Variants in MAP3K9 observed in about 807,000 individuals in gnomAD.
The protein encoded by MAP3K9 is mixed lineage kinase 1 (tyr and ser/thr specificity).
In MAP3K9, 46 loss-of-function variants were observed where a neutral mutation model predicts 95.8. The ratio of observed to expected loss-of-function variants is 0.48; its 90% CI spans 0.38 to 0.61. MAP3K9 has a LOEUF of 0.61. Among genes scored for constraint, MAP3K9 ranks in the 20% least tolerant of loss-of-function variants. MAP3K9 has a pLI of 0.00. For missense variants in MAP3K9, 1,296 were observed against 1,474.3 expected (o/e 0.88, Z 1.98); for synonymous variants, 533 against 593.8 (o/e 0.90, Z 1.49).
intron 5 of MAP3K9, among the ~76,000 whole-genome samples, chr14:70,748,034 G>GA (rs1465132871): frequency 0.059 from 25 of 422 alleles, no homozygotes; most frequent in Non-Finnish European, 0.14. Flanking sequence ...CGTGAACCCA[G>GA]AGGCAGAGCC....
rs753129930 is a variant in MAP3K9, at chr14:70,800,706, T to C, written c.781A>G (p.Ile261Val). ...AGGTCGCGGTGGATGATGGGAACAA[T>C]TGCCTCATCATGTAAGTAGTTCATC... ...RGMNYLHDEA[I>V]VPIIHRDLKS... Residue 261 changes from isoleucine to valine, a missense_variant, in exon 2 of 12, where the codon ATT (isoleucine) becomes GTT (valine). By Grantham distance (29) the Ile-to-Val change is conservative. This residue lies in a region of MAP3K9 where 338 missense variants were observed against 363.4 expected (regional missense o/e 0.93). Transcript: ENST00000554752. The C allele has an allele frequency of 1.2e-5, 20 of 1,614,096 alleles. No individual in the cohort carries two copies. The highest frequency in any genetic ancestry group is 2.2e-5 in the South Asian group (2 of 91,072).
At chr14:70,767,781 T>A (rs1054848107) in intron 2 of MAP3K9, among the ~76,000 whole-genome samples, 2 of 152,224 alleles carry the variant, frequency 1.3e-5, no homozygotes, top group Admixed American at 6.5e-5. Context: ...CTTGAACTAC[T>A]GGGCTCAAGC....
At position 70,785,577 on chromosome 14, in the gene MAP3K9, C is replaced by T. The variant is rs369482186; in HGVS notation, c.820+15090G>A. Reference sequence around the variant, plus strand: ...TGGGTACGTGATGAGATGAAGTGCGCGGTAGATGACATAGGCGAGGTGACA... The same window carrying T: ...TGGGTACGTGATGAGATGAAGTGCGTGGTAGATGACATAGGCGAGGTGACA... On this transcript the variant is annotated intron_variant, in intron 2 of 11. Coordinates refer to ENST00000554752, the MANE Select transcript of MAP3K9 (RefSeq NM_001284230.2). Among the ~76,000 whole-genome samples the T allele has an allele frequency of 2.2e-4, 33 of 152,144 alleles. 1 individual carries two copies. The South Asian group carries it at 5.8e-3, about 27-fold the overall frequency.
At chr14:70,767,125 T>A (rs2054466475) in intron 2 of MAP3K9, among the ~76,000 whole-genome samples, 1 of 152,090 alleles carries the variant, frequency 6.6e-6, no homozygotes, top group African/African-American at 2.4e-5. Context: ...GGCTCATGCC[T>A]ATAATCTCAG....
rs920595886 is a variant in MAP3K9 at position 70,730,047 on chromosome 14, G to C, written c.*333C>G. On this transcript the variant is annotated 3_prime_UTR_variant, in exon 12 of 12. Coordinates refer to ENST00000554752, the MANE Select transcript of MAP3K9 (RefSeq NM_001284230.2). ...GCACACCCAACTGGCTGAGGAGAGG[G>C]AGCAGCAGACAGATTTGGCTGAGTG... The C allele has an allele frequency of 1.0e-5, 3 of 286,308 alleles. No homozygotes were observed. Among genetic ancestry groups the C allele is most frequent in the African/African-American group, 6.5e-5 (3 of 46,428 alleles). The allele number at this position is 286,308 out of a possible 1,614,324, so 17.7% of individuals were successfully genotyped here. A position where few individuals can be genotyped will look rare whatever the true frequency, so the allele number is the denominator to read the frequency against.
intron 2 of MAP3K9, among the ~76,000 whole-genome samples, chr14:70,768,019 C>T (rs946056114): frequency 6.6e-6 from 1 of 152,064 alleles, no homozygotes; most frequent in Non-Finnish European, 1.5e-5. Flanking sequence ...ATATATACCA[C>T]TTAATATTAT....
rs913407745 is a variant in MAP3K9 at position 70,725,133 on chromosome 14, A to C, written c.*5247T>G. On this transcript the variant is annotated 3_prime_UTR_variant, in exon 12 of 12. Transcript: ENST00000554752. ...GCTGGGCCCCAAAGCTCTTCTCTCT[A>C]TCCAGCTCAAGGCCCAAAGCAGGCT... 1 of 152,340 alleles carries C rather than the reference A, an allele frequency of 6.6e-6. No homozygotes were observed. Among genetic ancestry groups the C allele is most frequent in the Non-Finnish European group, 1.5e-5 (1 of 68,168 alleles). The allele number at this position is 152,340 out of a possible 1,614,324, so 9.4% of individuals were successfully genotyped here.
intron 2 of MAP3K9, among the ~76,000 whole-genome samples, chr14:70,780,936 G>T (rs1200985473): frequency 6.6e-6 from 1 of 152,210 alleles, no homozygotes; most frequent in African/African-American, 2.4e-5. Context: ...TGCAGCCGCC[G>T]CACAGGCTCT....
chr14:70,787,544 C>A (rs17108537), intron 2 of MAP3K9, among the ~76,000 whole-genome samples: 36,366 of 150,646 alleles, frequency 0.24, 4,591 homozygotes, highest in East Asian at 0.33. Context: ...TTGCCAGCAT[C>A]CTGATGCCCA....
chr14:70,742,292 C>T lies in MAP3K9; in HGVS notation c.1567+59G>A. On this transcript the variant is annotated intron_variant, in intron 6 of 11. Coordinates refer to ENST00000554752, the MANE Select transcript of MAP3K9 (RefSeq NM_001284230.2). ...GCTCAGTCCCGGACTCCCTCAAACC[C>T]TCTGCCACACGAGTTCTTTGCCCTG... The T allele has an allele frequency of 1.9e-6, 3 of 1,580,424 alleles. No homozygotes were observed. In the Admixed American group the frequency reaches 5.1e-5, roughly 27 times the overall value.
chr14:70,765,106 A>G (rs1168503487), intron 2 of MAP3K9, among the ~76,000 whole-genome samples: 1 of 152,186 alleles, frequency 6.6e-6, no homozygotes, highest in Non-Finnish European at 1.5e-5. Flanking sequence ...AGGCAGGAGG[A>G]TCACTTGAAG....
At chr14:70,748,751 G>T in intron 5 of MAP3K9, 78 bp downstream of exon 5, 3 of 1,168,464 alleles carry the variant, frequency 2.6e-6, no homozygotes, top group South Asian at 1.5e-5. Context: ...AGAGGTCCCT[G>T]TGAGTGAGGT....
chr14:70,778,829 G>T lies in MAP3K9; in HGVS notation c.821-17647C>A, dbSNP rs113876675. Among the ~76,000 whole-genome samples the T allele has an allele frequency of 5.4e-4, 83 of 152,320 alleles. 1 individual carries two copies. Among genetic ancestry groups the T allele is most frequent in the African/African-American group, 1.9e-3 (79 of 41,562 alleles). On this transcript the variant is annotated intron_variant, in intron 2 of 11. Coordinates refer to ENST00000554752, the MANE Select transcript of MAP3K9 (RefSeq NM_001284230.2). ...AGCTACCCAGCCAGAAAGTGGTAAA[G>T]TGGGGACCACTGGCTACTCTCATGC...
chr14:70,732,442 C>T (rs2053917798), intron 11 of MAP3K9, 97 bp downstream of exon 11: 1 of 1,464,180 alleles, frequency 6.8e-7, no homozygotes, highest in Non-Finnish European at 9.0e-7. Context: ...GGTGTTCACT[C>T]AAATCCCGAA....
At chr14:70,741,996 C>T (rs2054076636) in intron 6 of MAP3K9, among the ~76,000 whole-genome samples, 1 of 152,176 alleles carries the variant, frequency 6.6e-6, no homozygotes, top group Admixed American at 6.5e-5. Flanking sequence ...CAAAACTTCT[C>T]GTGTCTCACA....
intron 3 of MAP3K9, among the ~76,000 whole-genome samples, chr14:70,759,882 G>A (rs565441495): frequency 4.6e-5 from 7 of 152,146 alleles, no homozygotes; most frequent in East Asian, 1.9e-4. Flanking sequence ...AGCCTCCCAC[G>A]TAGCTGGGAC....
At chr14:70,767,383 CAAAAAAAAAAAAAAA>C (rs67534847) in intron 2 of MAP3K9, among the ~76,000 whole-genome samples, 2 of 65,328 alleles carry the variant, frequency 3.1e-5, no homozygotes, top group Non-Finnish European at 5.7e-5. Flanking sequence ...CACTCAGTCT[CAAAAAAAAAAAAAAA>C]AAAAAAAAAG....
chr14:70,726,787 C>G lies in MAP3K9; in HGVS notation c.*3593G>C, dbSNP rs2053825931. 2 of 152,254 alleles carry G rather than the reference C, an allele frequency of 1.3e-5. No individual in the cohort carries two copies. Among genetic ancestry groups the G allele is most frequent in the Admixed American group, 1.3e-4 (2 of 15,294 alleles). The allele number at this position is 152,254 out of a possible 1,614,324, so 9.4% of individuals were successfully genotyped here. A position where few individuals can be genotyped will look rare whatever the true frequency, so the allele number is the denominator to read the frequency against. On this transcript the variant is annotated 3_prime_UTR_variant, in exon 12 of 12. Coordinates refer to ENST00000554752, the MANE Select transcript of MAP3K9 (RefSeq NM_001284230.2). ...AGCCACACTCTCAACTTCAGCGATT[C>G]ATCCTGTATAGATGAAAGAAGCTTC...
chr14:70,809,266 C>T lies in MAP3K9; in HGVS notation c.-95G>A. On this transcript the variant is annotated 5_prime_UTR_variant, in exon 1 of 12. Coordinates refer to ENST00000554752, the MANE Select transcript of MAP3K9 (RefSeq NM_001284230.2). Reference sequence around the variant, plus strand: ...GCCTCCGCAGAGCTGGGAGGACCCCCCCCCAACGACGGCGGCCGCAGGTAG... The same window carrying T: ...GCCTCCGCAGAGCTGGGAGGACCCCTCCCCAACGACGGCGGCCGCAGGTAG... 8.1e-7 allele frequency: 1 copy of T among 1,239,170 alleles called. No homozygotes were observed. The highest frequency in any genetic ancestry group is 1.0e-6 in the Non-Finnish European group (1 of 991,986). The allele number at this position is 1,239,170 out of a possible 1,614,324, so 76.8% of individuals were successfully genotyped here.
Sources: gnomAD v4.1 joint callset for allele counts (sites outside exome capture counted in the v4.1 genomes callset) on GRCh38, gnomAD v4.1.1 for gene constraint, gnomAD v4.1.1 regional missense constraint, MANE v1.5 for transcripts, NCBI Gene and HGNC (gene_info 2026-07-23, HGNC 2026-07-21) for gene names.